The following INO80D variants were observed in gnomAD, a reference collection of about 807,000 sequenced individuals.
INO80D encodes INO80 complex subunit D.
Under a neutral mutation model 87.6 loss-of-function variants are expected in INO80D, and 21 were observed. That is an observed-to-expected ratio of 0.24 (90% CI 0.17 to 0.35). The LOEUF is 0.35. Among genes scored for constraint, INO80D ranks in the 10% least tolerant of loss-of-function variants. The probability of loss-of-function intolerance (pLI) is 1.00; values close to 1 mark genes in which losing one functional copy is unlikely to be tolerated. For synonymous variants in INO80D, 440 were observed against 491.0 expected, an observed-to-expected ratio of 0.90 and a Z score of 1.37; for missense variants, 982 against 1,280.7, an observed-to-expected ratio of 0.77 and a Z score of 3.56.
chr2:206,056,386 G>A lies in INO80D; in HGVS notation c.776C>T (p.Ser259Phe). The A allele has an allele frequency of 6.2e-7, 1 of 1,613,908 alleles. No homozygotes were observed. Among genetic ancestry groups the A allele is most frequent in the Non-Finnish European group, 8.5e-7 (1 of 1,179,854 alleles). Reference protein sequence around the residue: ...THTIAQARQLSHKRPLPLLPS... With the variant: ...THTIAQARQLFHKRPLPLLPS... ...CAGGAGGGGCAGAGGCCTCTTGTGA[G>A]ACAACTGCCGTGCTTGTGCTATAGT... The change falls in exon 4 of 11, where the codon TCT becomes TTT. Residue 259 changes from serine (S) to phenylalanine (F), a missense_variant. Physicochemically the swap from Ser to Phe is radical, Grantham distance 155. Coordinates refer to ENST00000403263, the MANE Select transcript of INO80D (RefSeq NM_017759.5).
intron 1 of INO80D, among the ~76,000 whole-genome samples, chr2:206,076,413 T>C (rs182897729): frequency 6.6e-6 from 1 of 152,286 alleles, no homozygotes; most frequent in East Asian, 1.9e-4. Context: ...AAGAATGTAA[T>C]AAGACACTAA....
chr2:206,014,745 A>G (rs1688273571), intron 8 of INO80D, among the ~76,000 whole-genome samples: 1 of 152,172 alleles, frequency 6.6e-6, no homozygotes. Context: ...AAAGATACCC[A>G]AAAATGTGGA....
At position 205,998,450 on chromosome 2, in the gene INO80D, C is replaced by CAAAAAA. The variant is rs143392413; in HGVS notation, c.*5912_*5917dup. ...AAGGTGCTTCACTAGTTTGTTTTGT[C>CAAAAAA]AAAAAAAAAAAAAAAAAAAAAAGCT... On this transcript the variant is annotated 3_prime_UTR_variant, in exon 11 of 11. Transcript: ENST00000403263. The CAAAAAA allele has an allele frequency of 2.4e-5, 2 of 82,476 alleles. No homozygotes were observed. Among genetic ancestry groups the CAAAAAA allele is most frequent in the Non-Finnish European group, 4.6e-5 (2 of 43,624 alleles). The allele number at this position is 82,476 out of a possible 1,614,324, so 5.1% of individuals were successfully genotyped here.
intron 6 of INO80D, among the ~76,000 whole-genome samples, chr2:206,024,554 C>CT (rs902725698): frequency 2.6e-5 from 4 of 152,056 alleles, no homozygotes; most frequent in African/African-American, 9.7e-5. Context: ...TCAAACAACT[C>CT]TAACCTGTTC....
At chr2:206,080,868 A>C (rs1690260350) in intron 1 of INO80D, among the ~76,000 whole-genome samples, 1 of 137,126 alleles carries the variant, frequency 7.3e-6, no homozygotes. Flanking sequence ...GTGCCACTGC[A>C]CTCCAGCCTG....
At chr2:206,055,261 A>G (rs1478335154) in intron 4 of INO80D, among the ~76,000 whole-genome samples, 1 of 152,226 alleles carries the variant, frequency 6.6e-6, no homozygotes, top group Non-Finnish European at 1.5e-5. Flanking sequence ...GGTTTAAATG[A>G]TCAAAACCAA....
intron 5 of INO80D, chr2:206,040,954 G>C (rs768154525): frequency 6.5e-6 from 1 of 153,772 alleles, no homozygotes; most frequent in Non-Finnish European, 1.4e-5. Context: ...CACTGTCAGA[G>C]TAGATAAATG....
chr2:206,017,532 G>A (rs1688350984), intron 8 of INO80D, 148 bp downstream of exon 8: 2 of 557,906 alleles, frequency 3.6e-6, no homozygotes, highest in South Asian at 6.8e-5. Context: ...ATATCTTAAG[G>A]TAATAAAATG....
intron 9 of INO80D, 148 bp downstream of exon 9, chr2:206,009,429 G>A (rs2105800922): frequency 1.6e-6 from 1 of 642,550 alleles, no homozygotes; most frequent in East Asian, 2.9e-5. Flanking sequence ...GGTAAAATTT[G>A]CACCAAAAAC....
rs1279683732 is a variant in INO80D, at chr2:205,998,252, G to GTA, written c.*6114_*6115dup. The GTA allele has an allele frequency of 1.3e-5, 2 of 152,150 alleles. No individual in the cohort carries two copies. The highest frequency in any genetic ancestry group is 6.5e-5 in the Admixed American group (1 of 15,286). The allele number at this position is 152,150 out of a possible 1,614,324, so 9.4% of individuals were successfully genotyped here. On this transcript the variant is annotated 3_prime_UTR_variant, in exon 11 of 11. Coordinates refer to ENST00000403263, the MANE Select transcript of INO80D (RefSeq NM_017759.5). Reference sequence around the variant, plus strand: ...AACTAAGCTTCTAGCCATCTTAAGTGTAAACCACAGATCATTTACTAAAGA... The same window carrying GTA: ...AACTAAGCTTCTAGCCATCTTAAGTGTATAAACCACAGATCATTTACTAAAGA...
At chr2:206,040,693 G>C (rs1689024813) in intron 5 of INO80D, 1 of 249,606 alleles carries the variant, frequency 4.0e-6, no homozygotes, top group Admixed American at 4.4e-5. Flanking sequence ...AGTGCACTCT[G>C]TGGATATCCT....
intron 6 of INO80D, among the ~76,000 whole-genome samples, chr2:206,027,829 A>G (rs1688657338): frequency 6.6e-6 from 1 of 152,218 alleles, no homozygotes; most frequent in African/African-American, 2.4e-5. Flanking sequence ...GAAATTTCTA[A>G]GCATTCTATT....
Position 206,046,755 on chromosome 2 carries a change from T to G in INO80D, c.965-143A>C, listed in dbSNP as rs1575844359. ...GTGAATAAATGTCTCCTGATGAATC[T>G]CATTTCTATTCTTACAAAGATAATC... On this transcript the variant is annotated intron_variant, in intron 4 of 10. Transcript: ENST00000403263. 3 of 581,580 alleles carry G rather than the reference T, an allele frequency of 5.2e-6. No homozygotes were observed. The East Asian group carries it at 8.5e-5, about 16-fold the overall frequency. The allele number at this position is 581,580 out of a possible 1,614,324, so 36.0% of individuals were successfully genotyped here.
chr2:206,021,054 A>G (rs1688451046), intron 6 of INO80D, among the ~76,000 whole-genome samples: 1 of 152,170 alleles, frequency 6.6e-6, no homozygotes, highest in African/African-American at 2.4e-5. Context: ...TCTTACAAGT[A>G]CAAAACCTAT....
At chr2:206,078,061 CAAA>C (rs71410859) in intron 1 of INO80D, among the ~76,000 whole-genome samples, 1,051 of 62,986 alleles carry the variant, frequency 0.017, 1 homozygote, top group African/African-American at 0.039. Context: ...GCAATGTTTA[CAAA>C]AAAAAAAAAA....
At chr2:206,017,498 GA>G (rs1688350215) in intron 8 of INO80D, among the ~76,000 whole-genome samples, 181 bp downstream of exon 8, 1 of 152,174 alleles carries the variant, frequency 6.6e-6, no homozygotes, top group African/African-American at 2.4e-5. Flanking sequence ...AGAGTATTTA[GA>G]AATTCTGCTA....
chr2:206,012,326 G>T (rs1447740425), intron 8 of INO80D, among the ~76,000 whole-genome samples: 1 of 152,114 alleles, frequency 6.6e-6, no homozygotes, highest in Non-Finnish European at 1.5e-5. Flanking sequence ...TTATACAACT[G>T]TATGCGTCTA....
In INO80D at chr2:206,062,697, G is replaced by A; in HGVS notation, c.218+102C>T. 1.1e-6 allele frequency: 1 copy of A among 925,780 alleles called. No homozygotes were observed. 57.3% of individuals were successfully genotyped at this position (925,780 alleles called of 1,614,324 possible). A position where few individuals can be genotyped will look rare whatever the true frequency, so the allele number is the denominator to read the frequency against. ...TATATAGGTGGAGGAAGGGAGGGAGGGAGAAATGAAGGACAGAAGAAAAGA... is the reference window on the plus strand; with the variant it reads ...TATATAGGTGGAGGAAGGGAGGGAGAGAGAAATGAAGGACAGAAGAAAAGA... On this transcript the variant is annotated intron_variant, in intron 3 of 10. Coordinates refer to ENST00000403263, the MANE Select transcript of INO80D (RefSeq NM_017759.5). The surrounding 1 kb of genome is among the most constrained non-coding windows in gnomAD (Gnocchi z 4.6).
At chr2:206,026,352 C>T (rs1688615862) in intron 6 of INO80D, among the ~76,000 whole-genome samples, 1 of 152,002 alleles carries the variant, frequency 6.6e-6, no homozygotes, top group Admixed American at 6.6e-5. Flanking sequence ...TCAAGACCAG[C>T]CTGGCCAACA....
Sources: gnomAD v4.1 joint callset for allele counts (sites outside exome capture counted in the v4.1 genomes callset) on GRCh38, gnomAD v4.1.1 for gene constraint, Gnocchi (gnomAD v3.1) non-coding constraint, MANE v1.5 for transcripts, NCBI Gene and HGNC (gene_info 2026-07-23, HGNC 2026-07-21) for gene names.